The following GRID1 variants were observed in gnomAD, a reference collection of about 807,000 sequenced individuals.
GRID1 encodes glutamate ionotropic receptor delta type subunit 1.
Under a neutral mutation model 98.0 loss-of-function variants are expected in GRID1, and 28 were observed. That is an observed-to-expected ratio of 0.29 (90% confidence interval 0.21 to 0.39). GRID1 has a LOEUF of 0.39. Among genes scored for constraint, GRID1 ranks in the 10% least tolerant of loss-of-function variants. The pLI is 1.00. For synonymous variants in GRID1, 553 were observed against 538.5 expected, an observed-to-expected ratio of 1.03 and a Z score of -0.37; for missense variants, 1,111 against 1,340.5, an observed-to-expected ratio of 0.83 and a Z score of 2.67.
chr10:85,652,630 C>T (rs1484319529), intron 12 of GRID1, among the ~76,000 whole-genome samples: 1 of 152,126 alleles, frequency 6.6e-6, no homozygotes, highest in Admixed American at 6.5e-5. Flanking sequence ...TTTGGCTCTA[C>T]AAGAGATGAT....
At chr10:86,037,448 C>A (rs1332815776) in intron 4 of GRID1, among the ~76,000 whole-genome samples, 1 of 152,188 alleles carries the variant, frequency 6.6e-6, no homozygotes, top group Non-Finnish European at 1.5e-5. Context: ...ACTGTGAGGA[C>A]TGATGTGCTA....
At chr10:86,170,838 CCTGT>C (rs1845474802) in intron 3 of GRID1, among the ~76,000 whole-genome samples, 2 of 152,292 alleles carry the variant, frequency 1.3e-5, no homozygotes, top group East Asian at 1.9e-4. Flanking sequence ...ATCCGTGCTT[CCTGT>C]CTATTTTCAG....
intron 3 of GRID1, among the ~76,000 whole-genome samples, chr10:86,155,591 G>C (rs552992153): frequency 2.0e-5 from 3 of 152,330 alleles, no homozygotes; most frequent in African/African-American, 7.2e-5. Context: ...GGATAAAGGG[G>C]AGATCCAATT....
At chr10:85,632,491 A>G (rs898984631) in intron 13 of GRID1, among the ~76,000 whole-genome samples, 4 of 152,200 alleles carry the variant, frequency 2.6e-5, no homozygotes, top group Non-Finnish European at 5.9e-5. Context: ...TACATTTCTA[A>G]CAAGTTCCCA....
chr10:86,163,658 C>G (rs1845355776), intron 3 of GRID1, among the ~76,000 whole-genome samples: 1 of 152,140 alleles, frequency 6.6e-6, no homozygotes. Context: ...AGACTTTGAG[C>G]CTTGCCCCTG....
At chr10:85,785,377 C>A (rs1426385181) in intron 8 of GRID1, among the ~76,000 whole-genome samples, 1 of 152,126 alleles carries the variant, frequency 6.6e-6, no homozygotes, top group African/African-American at 2.4e-5. Flanking sequence ...AGGAAACAGA[C>A]CCACAGCAGG....
At chr10:85,746,300 A>AT (rs904653058) in intron 8 of GRID1, among the ~76,000 whole-genome samples, 5 of 152,056 alleles carry the variant, frequency 3.3e-5, no homozygotes, top group Non-Finnish European at 7.4e-5. Flanking sequence ...AGTTGAGAGT[A>AT]TTTTTTCCAT....
intron 12 of GRID1, among the ~76,000 whole-genome samples, chr10:85,686,630 G>A (rs1841272401): frequency 6.6e-6 from 1 of 151,900 alleles, no homozygotes; most frequent in Non-Finnish European, 1.5e-5. Context: ...TACACATTCT[G>A]AAGATATTAA....
intron 3 of GRID1, among the ~76,000 whole-genome samples, chr10:86,193,230 C>A (rs940435331): frequency 6.6e-6 from 1 of 151,994 alleles, no homozygotes; most frequent in Non-Finnish European, 1.5e-5. Context: ...CAGCTGGGGT[C>A]CCCCCAGCCT....
intron 2 of GRID1, among the ~76,000 whole-genome samples, chr10:86,299,654 A>C (rs1194717604): frequency 6.6e-6 from 1 of 152,142 alleles, no homozygotes; most frequent in African/African-American, 2.4e-5. Flanking sequence ...ATAAGATTTC[A>C]ATAGCGCTTT....
intron 8 of GRID1, among the ~76,000 whole-genome samples, chr10:85,765,655 C>T (rs2132703482): frequency 6.6e-6 from 1 of 152,286 alleles, no homozygotes; most frequent in African/African-American, 2.4e-5. Flanking sequence ...CATGTTTAGA[C>T]TTAGGTCCCA....
At chr10:85,819,373 G>A (rs1453233299) in intron 8 of GRID1, among the ~76,000 whole-genome samples, 1 of 152,170 alleles carries the variant, frequency 6.6e-6, no homozygotes, top group Non-Finnish European at 1.5e-5. Flanking sequence ...CCCACACCAA[G>A]TGATGAATGT....
intron 2 of GRID1, among the ~76,000 whole-genome samples, chr10:86,255,615 C>T (rs1433605338): frequency 1.3e-5 from 2 of 152,222 alleles, no homozygotes; most frequent in Admixed American, 1.3e-4. Flanking sequence ...GGTGCCCAGC[C>T]TTGTGGCACT....
At chr10:85,853,058 T>C (rs1049684775) in intron 8 of GRID1, among the ~76,000 whole-genome samples, 2 of 151,800 alleles carry the variant, frequency 1.3e-5, no homozygotes, top group Admixed American at 1.3e-4. Context: ...CCCCGCACCA[T>C]CCCCCACATC....
intron 8 of GRID1, among the ~76,000 whole-genome samples, chr10:85,826,531 C>A (rs1342423856): frequency 6.6e-6 from 1 of 152,048 alleles, no homozygotes; most frequent in Admixed American, 6.5e-5. Context: ...TTGTTGCGGG[C>A]GTAAGCATGT....
At chr10:86,085,005 A>G (rs908211584) in intron 4 of GRID1, among the ~76,000 whole-genome samples, 5 of 152,234 alleles carry the variant, frequency 3.3e-5, no homozygotes, top group African/African-American at 1.2e-4. Flanking sequence ...AAAAATGGTT[A>G]ACGTGGTAAA....
At chr10:86,345,279 C>T (rs1298358559) in intron 2 of GRID1, among the ~76,000 whole-genome samples, 1 of 152,216 alleles carries the variant, frequency 6.6e-6, no homozygotes, top group Admixed American at 6.5e-5. Flanking sequence ...GTAATAAAGT[C>T]ACTCAGAGTG....
chr10:86,324,981 T>C (rs1203296987), intron 2 of GRID1, among the ~76,000 whole-genome samples: 11 of 151,652 alleles, frequency 7.3e-5, no homozygotes, highest in Admixed American at 7.2e-4. Flanking sequence ...CAGGGAGAGT[T>C]CATTTTGATA....
chr10:86,298,111 A>G (rs536899072), intron 2 of GRID1, among the ~76,000 whole-genome samples: 1 of 152,362 alleles, frequency 6.6e-6, no homozygotes, highest in Admixed American at 6.5e-5. Flanking sequence ...GTTCAACATG[A>G]TTTATAATAA....
Sources: allele counts gnomAD v4.1 joint callset (sites outside exome capture counted in the v4.1 genomes callset), GRCh38; gene constraint gnomAD v4.1.1; transcripts MANE v1.5; gene names NCBI Gene and HGNC (gene_info 2026-07-23, HGNC 2026-07-21).